The following NOXRED1 variants were observed in gnomAD, a reference collection of about 807,000 sequenced individuals.
NOXRED1 encodes NADP-dependent oxidoreductase domain-containing protein 1.
In NOXRED1, 20 loss-of-function variants were observed where a neutral mutation model predicts 30.4. That is an observed-to-expected ratio of 0.66 (90% confidence interval 0.46 to 0.96). NOXRED1 has a LOEUF of 0.96. Ranked by LOEUF, NOXRED1 falls within the 40% of genes least tolerant of loss-of-function variation. The pLI, the probability that NOXRED1 is intolerant of heterozygous loss-of-function variation, is 0.00. For missense variants in NOXRED1, 374 were observed against 428.0 expected (o/e 0.87, Z 1.11); for synonymous variants, 155 against 168.0 (o/e 0.92, Z 0.60).
At chr14:77,396,133 G>T (rs1342458248) in intron 5 of NOXRED1, among the ~76,000 whole-genome samples, 5 of 151,992 alleles carry the variant, frequency 3.3e-5, no homozygotes, top group Non-Finnish European at 5.9e-5. Context: ...GAAGTTCTAG[G>T]CAATGCAATA....
At chr14:77,401,887 A>G (rs1355382272) in intron 5 of NOXRED1, among the ~76,000 whole-genome samples, 2 of 152,240 alleles carry the variant, frequency 1.3e-5, no homozygotes, top group Admixed American at 1.3e-4. Flanking sequence ...CCGCATAAAT[A>G]TAGTTAACTG....
At chr14:77,421,328 G>C (rs1894987206) in intron 1 of NOXRED1, among the ~76,000 whole-genome samples, 1 of 152,184 alleles carries the variant, frequency 6.6e-6, no homozygotes, top group Admixed American at 6.5e-5. Context: ...TTGTTGTTAA[G>C]TTAGTGTCTC....
intron 5 of NOXRED1, among the ~76,000 whole-genome samples, chr14:77,400,013 A>G (rs1238468146): frequency 6.6e-6 from 1 of 152,180 alleles, no homozygotes; most frequent in African/African-American, 2.4e-5. Context: ...AAAAACAAAG[A>G]TAAGAAAGCT....
rs941444853 is a variant in NOXRED1 at position 77,416,356 on chromosome 14, A to G, written c.156-2229T>C. Among the ~76,000 whole-genome samples the G allele has an allele frequency of 6.6e-5, 10 of 151,656 alleles. No individual in the cohort carries two copies. The East Asian group carries it at 7.8e-4, about 12-fold the overall frequency. ...TAGGCAGAGGACCTTGCGGCCTTCC[A>G]CAGTGTTTGTGTCCCTGGGTACTTG... On this transcript the variant is annotated intron_variant, in intron 1 of 5. Coordinates refer to ENST00000380835, the MANE Select transcript of NOXRED1 (RefSeq NM_001113475.3).
At position 77,404,535 on chromosome 14, in the gene NOXRED1, C is replaced by G. The variant is rs191822189; in HGVS notation, c.905+1378G>C. 1.1e-3 allele frequency among the ~76,000 whole-genome samples: 174 copies of G among 152,198 alleles called. 1 individual carries two copies. Among genetic ancestry groups the G allele is most frequent in the African/African-American group, 3.9e-3 (163 of 41,512 alleles). On this transcript the variant is annotated intron_variant, in intron 5 of 5. Transcript: ENST00000380835. Reference sequence around the variant, plus strand: ...AGCATTGACATTTAGGCTAGAGATACAGAGTTATATGCTGTCAGTGAAAAG... The same window carrying G: ...AGCATTGACATTTAGGCTAGAGATAGAGAGTTATATGCTGTCAGTGAAAAG...
intron 1 of NOXRED1, among the ~76,000 whole-genome samples, chr14:77,414,999 G>A (rs905417812): frequency 6.6e-6 from 1 of 150,994 alleles, no homozygotes; most frequent in Non-Finnish European, 1.5e-5. Flanking sequence ...CAACATGTAA[G>A]ACCTCGTCTC....
chr14:77,420,007 T>C (rs1236636809), intron 1 of NOXRED1, among the ~76,000 whole-genome samples: 1 of 152,194 alleles, frequency 6.6e-6, no homozygotes, highest in Non-Finnish European at 1.5e-5. Context: ...GATGTCCATT[T>C]CCTTCCTCAG....
At chr14:77,397,238 A>G (rs926447233) in intron 5 of NOXRED1, among the ~76,000 whole-genome samples, 20 of 152,376 alleles carry the variant, frequency 1.3e-4, no homozygotes, top group Non-Finnish European at 1.0e-4. Context: ...ATTAATACAC[A>G]TAACAACTTG....
At chr14:77,410,876 T>TA (rs1894630823) in intron 2 of NOXRED1, among the ~76,000 whole-genome samples, 1 of 152,108 alleles carries the variant, frequency 6.6e-6, no homozygotes, top group Non-Finnish European at 1.5e-5. Flanking sequence ...GCAATGTTGG[T>TA]AAAAAAGTAT....
chr14:77,424,590 T>C (rs1295222584), upstream of NOXRED1, among the ~76,000 whole-genome samples: 1 of 152,242 alleles, frequency 6.6e-6, no homozygotes, highest in Non-Finnish European at 1.5e-5. Flanking sequence ...GTCATCCTAA[T>C]GTTGCCAAGT....
intron 1 of NOXRED1, 113 bp downstream of exon 1, chr14:77,422,622 G>A: frequency 9.8e-7 from 1 of 1,021,578 alleles, no homozygotes. Context: ...GGAAAAGATA[G>A]GATGACAATC....
At chr14:77,420,215 G>GAA (rs1894951508) in intron 1 of NOXRED1, among the ~76,000 whole-genome samples, 12 of 151,934 alleles carry the variant, frequency 7.9e-5, no homozygotes, top group African/African-American at 2.9e-4. Context: ...CTTCAAATTT[G>GAA]CTGATTCTTT....
Position 77,400,800 on chromosome 14 carries a change from A to G in NOXRED1, c.905+5113T>C, listed in dbSNP as rs568296290. The stretch of plus-strand genomic sequence containing the variant: ...CTATATACCAGCAATGAACAAGTGG[A>G]ATTTAAAATTAAAAACACATTACCA... On this transcript the variant is annotated intron_variant, in intron 5 of 5. Coordinates refer to ENST00000380835, the MANE Select transcript of NOXRED1 (RefSeq NM_001113475.3). Among the ~76,000 whole-genome samples the G allele has an allele frequency of 2.6e-5, 4 of 152,356 alleles. No individual in the cohort carries two copies. In the South Asian group the frequency reaches 8.3e-4, roughly 32 times the overall value.
upstream of NOXRED1, among the ~76,000 whole-genome samples, chr14:77,425,965 C>G (rs1435943298): frequency 6.6e-6 from 1 of 152,202 alleles, no homozygotes; most frequent in Non-Finnish European, 1.5e-5. Flanking sequence ...GTGGCACGTG[C>G]CTGTAGTCCC....
At chr14:77,409,074 G>A (rs1012078797) in intron 2 of NOXRED1, among the ~76,000 whole-genome samples, 6 of 151,824 alleles carry the variant, frequency 4.0e-5, no homozygotes, top group Non-Finnish European at 8.8e-5. Flanking sequence ...CTGGTGGTAT[G>A]TCATAAATGT....
At chr14:77,413,669 C>T (rs1377777297) in intron 2 of NOXRED1, among the ~76,000 whole-genome samples, 1 of 152,188 alleles carries the variant, frequency 6.6e-6, no homozygotes, top group African/African-American at 2.4e-5. Flanking sequence ...GTATGGAAAG[C>T]TTCCCTGTAT....
chr14:77,394,569 C>G lies in NOXRED1; in HGVS notation c.*62G>C, dbSNP rs539378517. 8.8e-6 allele frequency: 11 copies of G among 1,245,170 alleles called. No homozygotes were observed. The highest frequency in any genetic ancestry group is 1.2e-5 in the Non-Finnish European group (10 of 867,716). 77.1% of individuals were successfully genotyped at this position (1,245,170 alleles called of 1,614,324 possible). A position where few individuals can be genotyped will look rare whatever the true frequency, so the allele number is the denominator to read the frequency against. On this transcript the variant is annotated 3_prime_UTR_variant, in exon 6 of 6. Transcript: ENST00000380835. ...GACTCCCACAGTCAATTGTGATAAT[C>G]AGGGCACAACTATTATAGGGAAAAT... is the stretch of plus-strand genomic sequence containing the variant.
rs187263653 is a variant in NOXRED1 at position 77,401,241 on chromosome 14, G to A, written c.905+4672C>T. ...ACAAAAATTAGCTGGGCATGGTGGC[G>A]GGTGCCTGTAATCCCAGCTACTGGG... On this transcript the variant is annotated intron_variant, in intron 5 of 5. Coordinates refer to ENST00000380835, the MANE Select transcript of NOXRED1 (RefSeq NM_001113475.3). Among the ~76,000 whole-genome samples, 91 of 152,046 alleles carry A rather than the reference G, an allele frequency of 6.0e-4. 1 individual carries two copies. Among genetic ancestry groups the A allele is most frequent in the African/African-American group, 1.8e-3 (76 of 41,462 alleles).
At chr14:77,405,010 C>T (rs1424795442) in intron 5 of NOXRED1, among the ~76,000 whole-genome samples, 1 of 152,124 alleles carries the variant, frequency 6.6e-6, no homozygotes, top group Non-Finnish European at 1.5e-5. Flanking sequence ...TTTGGGAACA[C>T]CTATCAAATA....
Sources: gnomAD v4.1 joint callset for allele counts (sites outside exome capture counted in the v4.1 genomes callset) on GRCh38, gnomAD v4.1.1 for gene constraint, MANE v1.5 for transcripts, NCBI Gene and HGNC (gene_info 2026-07-23, HGNC 2026-07-21) for gene names.